MAGEA11: variants seen among roughly 807,000 people sequenced by gnomAD.
MAGEA11 encodes melanoma-associated antigen 11.
A neutral mutation model predicts 8.4 loss-of-function variants in MAGEA11; 1 was observed. The ratio of observed to expected loss-of-function variants is 0.12; its 90% CI spans 0.04 to 0.57. MAGEA11 has a LOEUF of 0.57. Among genes scored for constraint, MAGEA11 ranks in the 20% least tolerant of loss-of-function variants. MAGEA11 has a pLI of 0.91. For synonymous variants in MAGEA11, 127 were observed against 119.3 expected (o/e 1.06, Z -0.42); for missense variants, 209 against 317.3 (o/e 0.66, Z 2.59).
intron 1 of MAGEA11, among the ~76,000 whole-genome samples, chrX:149,689,698 A>G (rs1557359969): frequency 2.7e-5 from 3 of 112,082 alleles, no homozygotes; most frequent in Non-Finnish European, 5.6e-5. Flanking sequence ...ACAGGCACAT[A>G]TCTATGTGGA....
intron 1 of MAGEA11, among the ~76,000 whole-genome samples, chrX:149,689,833 G>A: frequency 8.9e-6 from 1 of 112,526 alleles, no homozygotes. Context: ...TGTTTACCCA[G>A]TTCTTCATTG....
chrX:149,711,698 C>T (rs2090401097), upstream of MAGEA11: 1 of 308,567 alleles, frequency 3.2e-6, no homozygotes, highest in Admixed American at 9.2e-5. Flanking sequence ...TCCCTCCTGT[C>T]AGCCCCGGAA....
chrX:149,703,058 G>C (rs1333050281), intron 1 of MAGEA11, among the ~76,000 whole-genome samples: 2 of 111,429 alleles, frequency 1.8e-5, no homozygotes, highest in Non-Finnish European at 3.8e-5. Flanking sequence ...GCCTAGACTA[G>C]AGCAATGACA....
intron 1 of MAGEA11, among the ~76,000 whole-genome samples, chrX:149,698,931 G>A (rs1602925520): frequency 8.9e-6 from 1 of 111,785 alleles, no homozygotes; most frequent in South Asian, 3.8e-4. Context: ...CACTGCAAAG[G>A]ACATTATCTC....
chrX:149,691,861 A>G (rs145848374), intron 1 of MAGEA11, among the ~76,000 whole-genome samples: 1 of 112,603 alleles, frequency 8.9e-6, no homozygotes, highest in Non-Finnish European at 1.9e-5. Flanking sequence ...GGCTCACTTT[A>G]TTTTCTATCT....
chrX:149,688,954 T>C (rs782041407), exon 1 of MAGEA11: 15 of 1,024,723 alleles, frequency 1.5e-5, no homozygotes, highest in African/African-American at 2.0e-5. Flanking sequence ...TGGCTGACCA[T>C]TGATACAGGC....
rs782048429 is a variant in MAGEA11, at chrX:149,693,674, T to C, written c.9+4690T>C. On this transcript the variant is annotated intron_variant, in intron 1 of 3. Transcript: ENST00000333104. Reference sequence around the variant, plus strand: ...TTGTGCCATATCAAATTCCAGAACATTTTCATTATCCCCAAGAGAAAACAC... The same window carrying C: ...TTGTGCCATATCAAATTCCAGAACACTTTCATTATCCCCAAGAGAAAACAC... Among the ~76,000 whole-genome samples, 9 of 112,378 alleles carry C rather than the reference T, an allele frequency of 8.0e-5. No homozygotes were observed. The South Asian group carries it at 1.1e-3, about 14-fold the overall frequency.
intron 1 of MAGEA11, among the ~76,000 whole-genome samples, chrX:149,702,312 T>C (rs1356429330): frequency 8.9e-6 from 1 of 111,853 alleles, no homozygotes; most frequent in Non-Finnish European, 1.9e-5. Flanking sequence ...TTTCTCTCTT[T>C]AATTCTTTCT....
chrX:149,704,815 C>G lies in MAGEA11; in HGVS notation c.10-9666C>G, dbSNP rs151213806. 4.5e-4 allele frequency among the ~76,000 whole-genome samples: 51 copies of G among 112,544 alleles called. No individual in the cohort carries two copies. In the East Asian group the frequency reaches 0.014, roughly 31 times the overall value. On this transcript the variant is annotated intron_variant, in intron 1 of 3. Transcript: ENST00000333104. Reference sequence around the variant, plus strand: ...CTTTTATTCTCAGCAGATTAGATGACTCAACAATTTCCTTCGAGCCAACTC... The same window carrying G: ...CTTTTATTCTCAGCAGATTAGATGAGTCAACAATTTCCTTCGAGCCAACTC...
intron 1 of MAGEA11, chrX:149,689,105 A>T: frequency 1.6e-6 from 1 of 627,031 alleles, no homozygotes; most frequent in Non-Finnish European, 2.4e-6. Context: ...CCCAGCTCAG[A>T]ATGCCTCCCA....
At position 149,699,714 on chromosome X, in the gene MAGEA11, TA is replaced by T. The variant is rs2090343889; in HGVS notation, c.9+10731del. Among the ~76,000 whole-genome samples the T allele has an allele frequency of 1.8e-5, 2 of 111,307 alleles. 1 individual carries two copies. The highest frequency in any genetic ancestry group is 7.6e-4 in the South Asian group (2 of 2,625). ...GGTAGCCATTGTTCATCTTTTGGAG[TA>T]GTTTTTTTATTATTATTTTTGATGT... On this transcript the variant is annotated intron_variant, in intron 1 of 3. Coordinates refer to the MAGEA11 transcript ENST00000333104.
At chrX:149,699,308 G>A (rs868935223) in intron 1 of MAGEA11, among the ~76,000 whole-genome samples, 4 of 111,928 alleles carry the variant, frequency 3.6e-5, no homozygotes, top group African/African-American at 9.7e-5. Flanking sequence ...CTGAAGCAAA[G>A]ATTGCTTGGA....
chrX:149,711,013 A>G (rs373180859), upstream of MAGEA11, among the ~76,000 whole-genome samples: 5 of 111,219 alleles, frequency 4.5e-5, no homozygotes, highest in Non-Finnish European at 9.4e-5. Context: ...CCCCTACTTC[A>G]CTGTGGAAAA....
chrX:149,710,721 C>T (rs1213718879), upstream of MAGEA11, among the ~76,000 whole-genome samples: 2 of 108,555 alleles, frequency 1.8e-5, no homozygotes, highest in Non-Finnish European at 3.8e-5. Flanking sequence ...CTCAAGTGAT[C>T]CTCCTGCCTT....
chrX:149,714,487 A>T lies in MAGEA11; in HGVS notation c.103A>T (p.Thr35Ser), dbSNP rs1557362242. Residue 35 changes from threonine (T) to serine (S), a missense_variant, in exon 3 of 5, where the codon ACT becomes TCT. By Grantham distance (58) the Thr-to-Ser change is moderately conservative. This residue lies in a region of MAGEA11 where 131 missense variants were observed against 138.5 expected (regional missense o/e 0.95). Transcript: ENST00000355220. ...GTTTTGGAATCTTGGGCAGGTGAGCACTATGTTCTCAGAGGACGACTTCCA... is the reference window on the plus strand; with the variant it reads ...GTTTTGGAATCTTGGGCAGGTGAGCTCTATGTTCTCAGAGGACGACTTCCA... ...DSGDFGLQVS[T>S]MFSEDDFQST... 1 of 1,210,921 alleles carries T rather than the reference A, an allele frequency of 8.3e-7. No homozygotes were observed. The highest frequency in any genetic ancestry group is 1.8e-5 in the South Asian group (1 of 56,737).
chrX:149,702,255 T>C (rs1238185511), intron 1 of MAGEA11, among the ~76,000 whole-genome samples: 1 of 111,864 alleles, frequency 8.9e-6, no homozygotes. Context: ...TATACCTTTA[T>C]TGAAATTAGG....
chrX:149,709,984 G>T (rs868953882), upstream of MAGEA11, among the ~76,000 whole-genome samples: 6 of 111,527 alleles, frequency 5.4e-5, no homozygotes, highest in African/African-American at 2.0e-4. Context: ...ATAAATAAGA[G>T]GTATGTGTAT....
intron 1 of MAGEA11, among the ~76,000 whole-genome samples, chrX:149,697,223 A>G (rs1164355907): frequency 9.1e-6 from 1 of 110,077 alleles, no homozygotes; most frequent in East Asian, 2.9e-4. Context: ...AGGACCCCAC[A>G]TCTCTTCCCT....
At chrX:149,710,458 T>G (rs982122793), upstream of MAGEA11, among the ~76,000 whole-genome samples, 14 of 111,391 alleles carry the variant, frequency 1.3e-4, no homozygotes, top group African/African-American at 3.9e-4. Flanking sequence ...GGTTTGGTTT[T>G]GTTTTTTTGA....
Sources: gnomAD v4.1 joint callset for allele counts (sites outside exome capture counted in the v4.1 genomes callset) on GRCh38, gnomAD v4.1.1 for gene constraint, gnomAD v4.1.1 regional missense constraint, MANE v1.5 for transcripts, NCBI Gene and HGNC (gene_info 2026-07-23, HGNC 2026-07-21) for gene names.